The following HELLS variants were observed in gnomAD, a reference collection of about 807,000 sequenced individuals.
The protein encoded by HELLS is helicase, lymphoid specific, also known as lymphoid-specific helicase.
In HELLS, 32 loss-of-function variants were observed where a neutral mutation model predicts 120.0. The observed-to-expected ratio is 0.27, with a 90% confidence interval of 0.20 to 0.36. HELLS has a LOEUF of 0.36. Among genes scored for constraint, HELLS ranks in the 10% least tolerant of loss-of-function variants. The pLI is 1.00. For missense variants in HELLS, 650 were observed against 993.4 expected (o/e 0.65, Z 4.65); for synonymous variants, 341 against 323.4 (o/e 1.05, Z -0.58).
intron 2 of HELLS, among the ~76,000 whole-genome samples, chr10:94,550,086 A>C (rs1410643191): frequency 1.3e-5 from 2 of 151,912 alleles, no homozygotes; most frequent in South Asian, 2.1e-4. Context: ...AAGCCTGGCT[A>C]ATTTTGTATT....
At chr10:94,553,650 G>T (rs1427321905) in intron 2 of HELLS, among the ~76,000 whole-genome samples, 1 of 149,962 alleles carries the variant, frequency 6.7e-6, no homozygotes, top group Non-Finnish European at 1.5e-5. Flanking sequence ...CCGGGTTCAA[G>T]CGATTCTCCT....
chr10:94,592,181 C>G, intron 15 of HELLS, 48 bp from the exon 16 acceptor site: 2 of 1,400,374 alleles, frequency 1.4e-6, no homozygotes, highest in Non-Finnish European at 2.0e-6. Flanking sequence ...TTTAACAAAG[C>G]AAATAACAGT....
At chr10:94,552,969 C>T (rs1440436999) in intron 2 of HELLS, among the ~76,000 whole-genome samples, 1 of 152,042 alleles carries the variant, frequency 6.6e-6, no homozygotes, top group South Asian at 2.1e-4. Flanking sequence ...CCTTAAAAAA[C>T]GGGGTGGGGG....
intron 7 of HELLS, among the ~76,000 whole-genome samples, chr10:94,573,120 C>T (rs571914831): frequency 2.0e-5 from 3 of 148,338 alleles, no homozygotes; most frequent in Admixed American, 2.0e-4. Context: ...CCACCATGTT[C>T]AGCTAATTTT....
rs111813000 is a variant in HELLS, at chr10:94,588,404, G to T, written c.1488+14G>T. ...GGATCCAGTGAGGTATAGTGGTTTT[G>T]AAATGTACTGTAAATGAAACTTGAC... On this transcript the variant is annotated intron_variant, in intron 13 of 21. Coordinates refer to ENST00000348459, the MANE Select transcript of HELLS (RefSeq NM_018063.5). The T allele has an allele frequency of 4.6e-6, 7 of 1,528,994 alleles. No individual in the cohort carries two copies. Among genetic ancestry groups the T allele is most frequent in the Middle Eastern group, 1.8e-4 (1 of 5,704 alleles). 94.7% of individuals were successfully genotyped at this position (1,528,994 alleles called of 1,614,324 possible). A position where few individuals can be genotyped will look rare whatever the true frequency, so the allele number is the denominator to read the frequency against.
chr10:94,583,031 A>G lies in HELLS; in HGVS notation c.1298A>G (p.Glu433Gly). The part of the protein sequence containing the change: ...TAEDIIAKER[E>G]QNVLHMLHQI... ...GAAGATATTATTGCTAAAGAAAGAG[A>G]ACAGAATGTATTGCATATGCTGCAC... The change falls in exon 12 of 22, where the codon GAA (glutamate) becomes GGA (glycine). Residue 433 changes from glutamate (E) to glycine (G), a missense_variant. Physicochemically the swap from Glu to Gly is moderately conservative, Grantham distance 98 (BLOSUM62 -2). This residue lies in a region of HELLS where 48 missense variants were observed against 127.0 expected (regional missense o/e 0.38). Transcript: ENST00000348459. The G allele has an allele frequency of 6.2e-7, 1 of 1,604,048 alleles. No homozygotes were observed. Among genetic ancestry groups the G allele is most frequent in the Non-Finnish European group, 8.5e-7 (1 of 1,174,074 alleles).
rs201827513 is a variant in HELLS at position 94,546,420 on chromosome 10, G to A, written c.75G>A (p.Val25=). ...TGGTTGAACAACTGGACACTGCTGTGATTACCCCGGCCATGCTAGAAGAGG... is the reference window on the plus strand; with the variant it reads ...TGGTTGAACAACTGGACACTGCTGTAATTACCCCGGCCATGCTAGAAGAGG... The part of the protein sequence containing the change: ...PAMVEQLDTA[V]ITPAMLEEEE... Residue 25 remains valine, a synonymous_variant, in exon 2 of 22, where the codon GTG becomes GTA. Coordinates refer to ENST00000348459, the MANE Select transcript of HELLS (RefSeq NM_018063.5). The A allele has an allele frequency of 8.1e-6, 13 of 1,614,168 alleles. No homozygotes were observed. Among genetic ancestry groups the A allele is most frequent in the African/African-American group, 1.3e-5 (1 of 75,056 alleles).
In HELLS at chr10:94,581,355, T is replaced by C. The variant is rs2134079153; in HGVS notation, c.1062T>C (p.Asp354=). 1 of 1,594,888 alleles carries C rather than the reference T, an allele frequency of 6.3e-7. No homozygotes were observed. Among genetic ancestry groups the C allele is most frequent in the Middle Eastern group, 1.7e-4 (1 of 5,972 alleles). ...GCTATTGGAAATACTTAATAGTAGA[T>C]GAAGGACACAGGATTAAGAATATGA... ...QHCYWKYLIV[D]EGHRIKNMKC... Residue 354 remains aspartate (D), a synonymous_variant, in exon 11 of 22, where the codon GAT becomes GAC. Transcript: ENST00000348459.
At chr10:94,607,882 C>A (rs1260333926) in intron 8 of HELLS, 2 of 418,550 alleles carry the variant, frequency 4.8e-6, no homozygotes, top group Admixed American at 2.6e-5. Context: ...TGCATGCCAC[C>A]ACACCCAACT....
At position 94,545,957 on chromosome 10, in the gene HELLS, G is replaced by T. The variant is rs1464651753; in HGVS notation, c.31+5G>T. 1 of 1,556,214 alleles carries T rather than the reference G, an allele frequency of 6.4e-7. No homozygotes were observed. The highest frequency in any genetic ancestry group is 1.2e-5 in the South Asian group (1 of 84,436). On this transcript the variant is annotated splice_donor_5th_base_variant and intron_variant, in intron 1 of 21. Transcript: ENST00000348459. The stretch of plus-strand genomic sequence containing the variant: ...AACGGCCCGCGGGCAGCGGCGGTGA[G>T]TGAGGAAAACCTTTTGGGCGCGGGT...
At position 94,545,854 on chromosome 10, in the gene HELLS, G is replaced by T; in HGVS notation, c.-68G>T. 1 of 1,510,530 alleles carries T rather than the reference G, an allele frequency of 6.6e-7. No homozygotes were observed. The highest frequency in any genetic ancestry group is 1.2e-5 in the South Asian group (1 of 83,264). 93.6% of individuals were successfully genotyped at this position (1,510,530 alleles called of 1,614,324 possible). The stretch of plus-strand genomic sequence containing the variant: ...AGAAGGCTGGGCCGGCAGCGGTTGT[G>T]AGGAGTTAGCTCGCGGCATTGCAGG... On this transcript the variant is annotated 5_prime_UTR_variant, in exon 1 of 22. Coordinates refer to ENST00000348459, the MANE Select transcript of HELLS (RefSeq NM_018063.5).
intron 2 of HELLS, among the ~76,000 whole-genome samples, chr10:94,546,924 A>C (rs1362062158): frequency 6.6e-6 from 1 of 152,196 alleles, no homozygotes; most frequent in East Asian, 1.9e-4. Context: ...CATCAATCAA[A>C]GGCTGGGCTG....
intron 3 of HELLS, 106 bp downstream of exon 3, chr10:94,554,354 G>A (rs1416439220): frequency 5.3e-6 from 4 of 758,236 alleles, no homozygotes; most frequent in Middle Eastern, 4.1e-4. Flanking sequence ...TAAGTGTACG[G>A]TTTGCTGAGT....
At chr10:94,566,037 C>T (rs1589720212) in intron 6 of HELLS, among the ~76,000 whole-genome samples, 1 of 151,998 alleles carries the variant, frequency 6.6e-6, no homozygotes, top group Admixed American at 6.6e-5. Flanking sequence ...GGACTACATG[C>T]CTGTGCCACC....
At position 94,592,491 on chromosome 10, in the gene HELLS, T is replaced by C. The variant is rs1339321095; in HGVS notation, c.1948T>C (p.Ser650Pro). Residue 650 changes from serine (S) to proline (P), a missense_variant, in exon 17 of 22, where the codon TCT (serine) becomes CCT (proline). This residue lies in a region of HELLS where 191 missense variants were observed against 259.7 expected (regional missense o/e 0.74). Coordinates refer to ENST00000348459, the MANE Select transcript of HELLS (RefSeq NM_018063.5). ...FNFSRLDGSM[S>P]YSEREKNMHS... ...CTTCAGCAGGCTTGATGGGTCCATG[T>C]CTTACTCAGAGAGAGAAAAAAACGT... 1 of 1,503,762 alleles carries C rather than the reference T, an allele frequency of 6.6e-7. No individual in the cohort carries two copies. Among genetic ancestry groups the C allele is most frequent in the Admixed American group, 2.4e-5 (1 of 41,856 alleles). The allele number at this position is 1,503,762 out of a possible 1,614,324, so 93.2% of individuals were successfully genotyped here.
At chr10:94,562,109 A>T (rs911679243) in intron 4 of HELLS, among the ~76,000 whole-genome samples, 1 of 150,088 alleles carries the variant, frequency 6.7e-6, no homozygotes, top group Non-Finnish European at 1.5e-5. Flanking sequence ...CTAAATAAAA[A>T]TGCCAACTAT....
intron 2 of HELLS, among the ~76,000 whole-genome samples, chr10:94,548,968 T>C (rs1222049357): frequency 1.3e-5 from 2 of 152,166 alleles, no homozygotes; most frequent in Admixed American, 1.3e-4. Context: ...CACTCCAGCC[T>C]GGGTGACAGA....
chr10:94,552,282 A>G (rs1843020525), intron 2 of HELLS, among the ~76,000 whole-genome samples: 2 of 152,332 alleles, frequency 1.3e-5, no homozygotes, highest in South Asian at 4.1e-4. Context: ...TCTAATCTAT[A>G]AAATTTAGAA....
At chr10:94,569,678 A>G (rs995893494) in intron 6 of HELLS, 2 of 152,220 alleles carry the variant, frequency 1.3e-5, no homozygotes, top group Non-Finnish European at 2.9e-5. Context: ...ACCTGGGCTC[A>G]CATGATCCTC....
Sources: allele counts gnomAD v4.1 joint callset (sites outside exome capture counted in the v4.1 genomes callset), GRCh38; gene constraint gnomAD v4.1.1; regional missense constraint gnomAD v4.1.1; transcripts MANE v1.5; gene names NCBI Gene and HGNC (gene_info 2026-07-23, HGNC 2026-07-21).